The following UGT8 variants were observed in gnomAD, a reference collection of about 807,000 sequenced individuals.
The protein encoded by UGT8 is UDP glycosyltransferase 8, also known as 2-hydroxyacylsphingosine 1-beta-galactosyltransferase.
In UGT8, 12 loss-of-function variants were observed where a neutral mutation model predicts 40.5. The ratio of observed to expected loss-of-function variants is 0.30; its 90% CI spans 0.19 to 0.48. The LOEUF (loss-of-function observed/expected upper bound fraction) is 0.48. UGT8 is among the 20% of genes least tolerant of loss of function. The pLI is 0.99. For missense variants in UGT8, 513 were observed against 648.7 expected, an observed-to-expected ratio of 0.79 and a Z score of 2.27; for synonymous variants, 224 against 240.4, an observed-to-expected ratio of 0.93 and a Z score of 0.63.
chr4:114,622,868 T>A lies in UGT8; in HGVS notation c.-2-11T>A. 6.3e-7 allele frequency: 1 copy of A among 1,586,322 alleles called. No individual in the cohort carries two copies. Among genetic ancestry groups the A allele is most frequent in the Non-Finnish European group, 8.6e-7 (1 of 1,164,536 alleles). ...ATTTTGTTTTAAGTTGTTTTCTGGTTGTTATTACAGCTATGAAGTCTTACA... is the reference window on the plus strand; with the variant it reads ...ATTTTGTTTTAAGTTGTTTTCTGGTAGTTATTACAGCTATGAAGTCTTACA... On this transcript the variant is annotated splice_polypyrimidine_tract_variant and intron_variant, in intron 1 of 5. Coordinates refer to ENST00000310836, the MANE Select transcript of UGT8 (RefSeq NM_001128174.3).
intron 2 of UGT8, among the ~76,000 whole-genome samples, chr4:114,633,991 AG>A (rs1171066262): frequency 1.3e-5 from 2 of 152,096 alleles, no homozygotes; most frequent in African/African-American, 4.8e-5. Context: ...GAACAATAAA[AG>A]GGGAAGAGAG....
At chr4:114,665,825 T>C in intron 4 of UGT8, 69 bp downstream of exon 4, 1 of 1,365,586 alleles carries the variant, frequency 7.3e-7, no homozygotes, top group Non-Finnish European at 1.0e-6. Context: ...ACTTTTTTTT[T>C]TTTTTTACTT....
intron 5 of UGT8, among the ~76,000 whole-genome samples, chr4:114,673,395 G>T (rs1735423971): frequency 6.6e-6 from 1 of 152,134 alleles, no homozygotes; most frequent in African/African-American, 2.4e-5. Flanking sequence ...AATGAAATCG[G>T]TTAGTTAGCA....
At chr4:114,634,708 G>T (rs1051894476) in intron 2 of UGT8, among the ~76,000 whole-genome samples, 18 of 152,180 alleles carry the variant, frequency 1.2e-4, no homozygotes, top group African/African-American at 4.3e-4. Context: ...ATTGGTAGAG[G>T]TGACAGAGTA....
At chr4:114,660,806 G>A (rs150286665) in intron 2 of UGT8, among the ~76,000 whole-genome samples, 184 of 151,548 alleles carry the variant, frequency 1.2e-3, no homozygotes, top group African/African-American at 4.4e-3. Flanking sequence ...CAGGAGAAAG[G>A]CGTGAACCCA....
intron 5 of UGT8, among the ~76,000 whole-genome samples, chr4:114,673,999 A>T (rs183596268): frequency 5.2e-4 from 79 of 152,190 alleles, no homozygotes; most frequent in Non-Finnish European, 9.4e-4. Context: ...ACTTTTATGT[A>T]ATAGCCTTCA....
At chr4:114,674,303 A>G (rs1388277816) in intron 5 of UGT8, among the ~76,000 whole-genome samples, 2 of 152,102 alleles carry the variant, frequency 1.3e-5, no homozygotes, top group Non-Finnish European at 2.9e-5. Context: ...TAACTCTGCC[A>G]TGTGAGTCAT....
chr4:114,623,105 G>C lies in UGT8; in HGVS notation c.225G>C (p.Gly75=). The change falls in exon 2 of 6, where the codon GGG becomes GGC. Residue 75 remains glycine, a synonymous_variant. Transcript: ENST00000310836. The stretch of plus-strand genomic sequence containing the variant: ...ATTACAGCCTCCAGCGCTACCCAGG[G>C]ATCTTTAACAGTACCACCTCAGATG... ...SNHYSLQRYP[G]IFNSTTSDAF... is the part of the protein sequence containing the mutation. The C allele has an allele frequency of 6.2e-7, 1 of 1,614,082 alleles. No homozygotes were observed. The highest frequency in any genetic ancestry group is 8.5e-7 in the Non-Finnish European group (1 of 1,179,998).
chr4:114,626,296 T>C lies in UGT8; in HGVS notation c.822+2594T>C, dbSNP rs138820235. On this transcript the variant is annotated intron_variant, in intron 2 of 5. Coordinates refer to ENST00000310836, the MANE Select transcript of UGT8 (RefSeq NM_001128174.3). Reference sequence around the variant, plus strand: ...TGAGTTTCTCAAATGCCTGTATTATTTACAGGGCATTGTTGTGACAGTAAC... The same window carrying C: ...TGAGTTTCTCAAATGCCTGTATTATCTACAGGGCATTGTTGTGACAGTAAC... Among the ~76,000 whole-genome samples, 816 of 152,314 alleles carry C rather than the reference T, an allele frequency of 5.4e-3. 12 individuals are homozygous for C. The highest frequency in any genetic ancestry group is 0.019 in the African/African-American group (790 of 41,562).
intron 2 of UGT8, among the ~76,000 whole-genome samples, chr4:114,654,682 T>A (rs1018650923): frequency 5.9e-5 from 9 of 152,046 alleles, no homozygotes; most frequent in Non-Finnish European, 1.2e-4. Context: ...GGCATAGTGT[T>A]TGGAAAAGAA....
intron 2 of UGT8, among the ~76,000 whole-genome samples, chr4:114,643,969 G>C (rs774929671): frequency 6.6e-6 from 1 of 151,938 alleles, no homozygotes; most frequent in African/African-American, 2.4e-5. Flanking sequence ...GTGACCTCGC[G>C]TGTGAACAAT....
intron 1 of UGT8, among the ~76,000 whole-genome samples, chr4:114,599,701 A>T (rs971969786): frequency 7.9e-5 from 12 of 152,266 alleles, no homozygotes; most frequent in Middle Eastern, 3.4e-3. Flanking sequence ...AGAAGAGGTG[A>T]GCGCCTGCGG....
rs1487429619 is a variant in UGT8, at chr4:114,665,318, G to GC, written c.966-361dup. On this transcript the variant is annotated intron_variant, in intron 3 of 5. Transcript: ENST00000310836. ...TGCCATAGCAGTGGCAGCTCTCCCT[G>GC]CTCCTTCTTGTTCCAGCTTCTGGCT... 7.5e-6 allele frequency: 7 copies of GC among 933,644 alleles called. No individual in the cohort carries two copies. The Admixed American group carries it at 3.1e-4, about 41-fold the overall frequency. 57.8% of individuals were successfully genotyped at this position (933,644 alleles called of 1,614,324 possible).
At chr4:114,605,566 A>T (rs1365775147) in intron 1 of UGT8, among the ~76,000 whole-genome samples, 5 of 152,152 alleles carry the variant, frequency 3.3e-5, no homozygotes, top group African/African-American at 1.2e-4. Context: ...TTAATACTCA[A>T]AATATTTCAA....
chr4:114,622,724 C>T (rs1578414938), intron 1 of UGT8, 155 bp from the exon 2 acceptor site: 1 of 668,064 alleles, frequency 1.5e-6, no homozygotes, highest in East Asian at 2.9e-5. Context: ...TTTTTGGCTG[C>T]ATAAATGTCT....
chr4:114,667,853 T>C (rs1259227669), intron 4 of UGT8: 2 of 829,506 alleles, frequency 2.4e-6, no homozygotes, highest in East Asian at 1.3e-4. Flanking sequence ...AATAGTAATA[T>C]ACATTTCAAC....
chr4:114,608,616 T>G (rs1199244163), intron 1 of UGT8, among the ~76,000 whole-genome samples: 2 of 152,170 alleles, frequency 1.3e-5, no homozygotes, highest in Non-Finnish European at 2.9e-5. Context: ...AAGTTTGATA[T>G]ATAGAAAGAT....
intron 1 of UGT8, among the ~76,000 whole-genome samples, chr4:114,619,777 T>C (rs147875618): frequency 1.3e-5 from 2 of 151,978 alleles, no homozygotes; most frequent in Non-Finnish European, 2.9e-5. Flanking sequence ...CTGCACTAAA[T>C]GAAATCAGGA....
intron 5 of UGT8, among the ~76,000 whole-genome samples, chr4:114,673,596 G>T (rs1314416693): frequency 6.6e-6 from 1 of 152,166 alleles, no homozygotes; most frequent in Non-Finnish European, 1.5e-5. Flanking sequence ...TTCCATTAAA[G>T]CATCTGTTTA....
Sources: allele counts gnomAD v4.1 joint callset (sites outside exome capture counted in the v4.1 genomes callset), GRCh38; gene constraint gnomAD v4.1.1; transcripts MANE v1.5; gene names NCBI Gene and HGNC (gene_info 2026-07-23, HGNC 2026-07-21).